Variants in GASK1B observed in about 807,000 individuals in gnomAD.
GASK1B encodes the protein Golgi-associated kinase 1B.
A neutral mutation model predicts 42.8 loss-of-function variants in GASK1B; 34 were observed. The ratio of observed to expected loss-of-function variants is 0.79; its 90% CI spans 0.60 to 1.06. The LOEUF is 1.06. Among genes scored for constraint, GASK1B ranks in the 50% least tolerant of loss-of-function variants. The probability of loss-of-function intolerance (pLI) is 0.00; values close to 1 mark genes in which losing one functional copy is unlikely to be tolerated. For synonymous variants in GASK1B, 262 were observed against 259.1 expected (o/e 1.01, Z -0.11); for missense variants, 686 against 661.0 (o/e 1.04, Z -0.42).
intron 3 of GASK1B, among the ~76,000 whole-genome samples, chr4:158,146,210 A>G (rs900072372): frequency 6.6e-6 from 1 of 152,066 alleles, no homozygotes; most frequent in East Asian, 1.9e-4. Flanking sequence ...TGCTGCTGAT[A>G]GAATTGTTAC....
At position 158,153,834 on chromosome 4, in the gene GASK1B, T is replaced by C. The variant is rs540782003; in HGVS notation, c.1125+1777A>G. On this transcript the variant is annotated intron_variant, in intron 3 of 4. Transcript: ENST00000585682. Reference sequence around the variant, plus strand: ...AAGAATGAAACTGTATCCTCATCTCTTACCTTATACAAAAATCAACTCAAG... The same window carrying C: ...AAGAATGAAACTGTATCCTCATCTCCTACCTTATACAAAAATCAACTCAAG... Among the ~76,000 whole-genome samples, 116 of 152,152 alleles carry C rather than the reference T, an allele frequency of 7.6e-4. 1 individual carries two copies. Among genetic ancestry groups the C allele is most frequent in the Non-Finnish European group, 1.2e-3 (81 of 68,000 alleles).
rs751307179 is a variant in GASK1B, at chr4:158,171,043, T to C, written c.333A>G (p.Leu111=). The change falls in exon 2 of 5, where the codon CTA becomes CTG. Residue 111 remains leucine, a synonymous_variant. Transcript: ENST00000585682. ...TLQPNVVYIT[L]RSKRSKPANI... ...TGGCCGGCTTGCTGCGCTTGGAGCG[T>C]AGGGTAATGTACACCACATTGGGCT... The C allele has an allele frequency of 2.8e-5, 45 of 1,613,612 alleles. No individual in the cohort carries two copies. Among genetic ancestry groups the C allele is most frequent in the Non-Finnish European group, 3.7e-5 (44 of 1,179,778 alleles).
rs139271101 is a variant in GASK1B, at chr4:158,170,676, C to T, written c.700G>A (p.Gly234Arg). 37 of 1,614,042 alleles carry T rather than the reference C, an allele frequency of 2.3e-5. No individual in the cohort carries two copies. In the African/African-American group the frequency reaches 4.1e-4, roughly 18 times the overall value. ...MRLLADSAVA[G>R]LRPVSSRSGA... ...CTCCTAGAGGACACAGGCCGGAGCC[C>T]TGCCACTGCGCTGTCCGCCAAGAGT... is the stretch of plus-strand genomic sequence containing the variant. Residue 234 changes from glycine (G) to arginine (R), a missense_variant, in exon 2 of 5, where the codon GGG becomes AGG. By Grantham distance (125) the Gly-to-Arg change is moderately radical. Coordinates refer to ENST00000585682, the MANE Select transcript of GASK1B (RefSeq NM_001128424.2).
At chr4:158,131,071 A>G in intron 3 of GASK1B, 59 bp from the exon 4 acceptor site, 1 of 1,445,800 alleles carries the variant, frequency 6.9e-7, no homozygotes, top group Non-Finnish European at 9.6e-7. Context: ...TGGGAAAGTT[A>G]CAAGATTTTC....
Position 158,158,187 on chromosome 4 carries a change from C to T in GASK1B, c.911-2362G>A, listed in dbSNP as rs371836752. ...GTAAAATGAAGCAACAACATACATT[C>T]AAAACTGACCTTATCAGGAAGAAAT... On this transcript the variant is annotated intron_variant, in intron 2 of 4. Coordinates refer to ENST00000585682, the MANE Select transcript of GASK1B (RefSeq NM_001128424.2). 2.0e-5 allele frequency among the ~76,000 whole-genome samples: 3 copies of T among 152,100 alleles called. No homozygotes were observed. The South Asian group carries it at 6.2e-4, about 32-fold the overall frequency.
intron 3 of GASK1B, among the ~76,000 whole-genome samples, chr4:158,141,733 A>G (rs1454177461): frequency 5.5e-5 from 8 of 146,506 alleles, no homozygotes; most frequent in Non-Finnish European, 1.2e-4. Flanking sequence ...CAGCTTCCCG[A>G]GTAGCTGGGA....
At chr4:158,168,146 T>A (rs1732300097) in intron 2 of GASK1B, among the ~76,000 whole-genome samples, 1 of 152,198 alleles carries the variant, frequency 6.6e-6, no homozygotes, top group South Asian at 2.1e-4. Context: ...AAAGACAGAA[T>A]GTTGTTTGAG....
Position 158,125,995 on chromosome 4 carries a change from G to A in GASK1B, c.*1412C>T, listed in dbSNP as rs1228862936. 6.6e-6 allele frequency: 1 copy of A among 151,934 alleles called. No individual in the cohort carries two copies. The highest frequency in any genetic ancestry group is 1.5e-5 in the Non-Finnish European group (1 of 67,982). The allele number at this position is 151,934 out of a possible 1,614,324, so 9.4% of individuals were successfully genotyped here. A position where few individuals can be genotyped will look rare whatever the true frequency, so the allele number is the denominator to read the frequency against. ...TTGACCAGAACAAAGAAAATGTGGT[G>A]TATTTCAGCAATAACAGACGTAACC... On this transcript the variant is annotated 3_prime_UTR_variant, in exon 5 of 5. Coordinates refer to ENST00000585682, the MANE Select transcript of GASK1B (RefSeq NM_001128424.2).
chr4:158,131,475 T>C (rs566976787), intron 3 of GASK1B, among the ~76,000 whole-genome samples: 4 of 152,308 alleles, frequency 2.6e-5, no homozygotes, highest in African/African-American at 9.6e-5. Context: ...GACTTCAGTA[T>C]TACAGTAAGC....
intron 4 of GASK1B, among the ~76,000 whole-genome samples, chr4:158,129,781 C>T (rs953527204): frequency 6.6e-6 from 1 of 152,100 alleles, no homozygotes; most frequent in Admixed American, 6.5e-5. Flanking sequence ...TACCAAAGAA[C>T]CCTCTATTTT....
At chr4:158,137,087 T>C (rs887366551) in intron 3 of GASK1B, among the ~76,000 whole-genome samples, 1 of 152,160 alleles carries the variant, frequency 6.6e-6, no homozygotes, top group Admixed American at 6.5e-5. Context: ...GCAAAAAAAA[T>C]TGAACAGGCC....
chr4:158,155,928 A>T, intron 2 of GASK1B, 103 bp from the exon 3 acceptor site: 1 of 853,672 alleles, frequency 1.2e-6, no homozygotes, highest in Non-Finnish European at 1.9e-6. Context: ...TCACCTATCA[A>T]ATGTGAGAGT....
At position 158,130,894 on chromosome 4, in the gene GASK1B, A is replaced by G. The variant is rs1730652791; in HGVS notation, c.1244T>C (p.Ile415Thr). The G allele has an allele frequency of 1.2e-6, 2 of 1,613,972 alleles. No individual in the cohort carries two copies. Among genetic ancestry groups the G allele is most frequent in the African/African-American group, 1.3e-5 (1 of 74,910 alleles). Residue 415 changes from isoleucine (I) to threonine (T), a missense_variant, in exon 4 of 5, where the codon ATT becomes ACT. Coordinates refer to ENST00000585682, the MANE Select transcript of GASK1B (RefSeq NM_001128424.2). Reference sequence around the variant, plus strand: ...CCTTGGGTCATGCTTTCGCTGGATAATGTGTGCTAGAGCCGCAGAACCTTG... The same window carrying G: ...CCTTGGGTCATGCTTTCGCTGGATAGTGTGTGCTAGAGCCGCAGAACCTTG... ...DDQGSAALAH[I>T]IQRKHDPRHL... is the part of the protein sequence containing the mutation.
intron 3 of GASK1B, among the ~76,000 whole-genome samples, chr4:158,131,385 T>C (rs1252661114): frequency 6.6e-6 from 1 of 152,202 alleles, no homozygotes; most frequent in Admixed American, 6.5e-5. Context: ...CTCTGTCTTG[T>C]TTTCTCCCTC....
In GASK1B at chr4:158,130,948, T is replaced by G; in HGVS notation, c.1190A>C (p.Gln397Pro). ...ATCACATTTTGGCCTCAATCCATTC[T>G]GTACACAGGCATCTTCCTTGCGAGG... is the stretch of plus-strand genomic sequence containing the variant. The part of the protein sequence containing the change: ...FRPRKEDACV[Q>P]NGLRPKCDDQ... The change falls in exon 4 of 5, where the codon CAG becomes CCG. Residue 397 changes from glutamine (Q) to proline (P), a missense_variant. Transcript: ENST00000585682. The G allele has an allele frequency of 6.2e-7, 1 of 1,614,120 alleles. No individual in the cohort carries two copies. The highest frequency in any genetic ancestry group is 8.5e-7 in the Non-Finnish European group (1 of 1,179,974).
Position 158,170,917 on chromosome 4 carries a change from C to CT in GASK1B, c.458dup (p.Glu154GlyfsTer7), listed in dbSNP as rs1732486381. On this transcript the variant is annotated frameshift_variant, in exon 2 of 5. Coordinates refer to ENST00000585682, the MANE Select transcript of GASK1B (RefSeq NM_001128424.2). LOFTEE classifies it high-confidence loss of function. ...CAGCATCAGCTTCCCTTGCCGCTTCCTGCGGCTGAAGGGATGGTCCGACCA... is the reference window on the plus strand; with the variant it reads ...CAGCATCAGCTTCCCTTGCCGCTTCCTTGCGGCTGAAGGGATGGTCCGACCA... The CT allele has an allele frequency of 1.9e-6, 3 of 1,614,130 alleles. No homozygotes were observed. The highest frequency in any genetic ancestry group is 2.5e-6 in the Non-Finnish European group (3 of 1,180,058).
In GASK1B at chr4:158,155,594, T is replaced by G; in HGVS notation, c.1125+17A>C. The G allele has an allele frequency of 6.2e-7, 1 of 1,606,542 alleles. No individual in the cohort carries two copies. ...CGCCAGTCTTAGATAACTATTTGCT[T>G]GATTTGATAAACTTACCTGTAACAA... On this transcript the variant is annotated intron_variant, in intron 3 of 4. Coordinates refer to ENST00000585682, the MANE Select transcript of GASK1B (RefSeq NM_001128424.2).
chr4:158,153,572 A>G (rs968226018), intron 3 of GASK1B, among the ~76,000 whole-genome samples: 2 of 152,166 alleles, frequency 1.3e-5, no homozygotes, highest in Non-Finnish European at 2.9e-5. Flanking sequence ...AAAAGAACAA[A>G]TCTGGAGCCA....
chr4:158,133,012 A>C (rs534243299), intron 3 of GASK1B, among the ~76,000 whole-genome samples: 1 of 152,334 alleles, frequency 6.6e-6, no homozygotes, highest in South Asian at 2.1e-4. Flanking sequence ...ACAAATTAGA[A>C]ACTTTTAGAG....
Sources: allele counts gnomAD v4.1 joint callset (sites outside exome capture counted in the v4.1 genomes callset), GRCh38; gene constraint gnomAD v4.1.1; transcripts MANE v1.5; gene names NCBI Gene and HGNC (gene_info 2026-07-23, HGNC 2026-07-21).